Variants in NDST3 observed in about 807,000 individuals in gnomAD.
NDST3 encodes bifunctional heparan sulfate N-deacetylase/N-sulfotransferase 3.
A neutral mutation model predicts 96.1 loss-of-function variants in NDST3; 58 were observed. The observed-to-expected ratio is 0.60, with a 90% CI of 0.49 to 0.75. The LOEUF (loss-of-function observed/expected upper bound fraction) is 0.75. Among genes scored for constraint, NDST3 ranks in the 30% least tolerant of loss-of-function variants. The probability of loss-of-function intolerance (pLI) is 0.00; values close to 1 mark genes in which losing one functional copy is unlikely to be tolerated. For synonymous variants in NDST3, 333 were observed against 359.7 expected, an observed-to-expected ratio of 0.93 and a Z score of 0.84; for missense variants, 788 against 1,034.2, an observed-to-expected ratio of 0.76 and a Z score of 3.27.
intron 10 of NDST3, among the ~76,000 whole-genome samples, chr4:118,239,524 C>T (rs1181230826): frequency 2.6e-5 from 4 of 152,084 alleles, no homozygotes; most frequent in Non-Finnish European, 1.5e-5. Flanking sequence ...GCAACTTCTA[C>T]CTTTTCCACC....
chr4:118,034,532 C>G lies in NDST3; in HGVS notation c.-216C>G, dbSNP rs1313809759. 1 of 152,122 alleles carries G rather than the reference C, an allele frequency of 6.6e-6. No homozygotes were observed. Among genetic ancestry groups the G allele is most frequent in the Non-Finnish European group, 1.5e-5 (1 of 68,034 alleles). The allele number at this position is 152,122 out of a possible 1,614,324, so 9.4% of individuals were successfully genotyped here. ...CGATGGTAACGAGTGGTACTGTTTC[C>G]GTTTCTTTTCCATCTATTGCAACTT... On this transcript the variant is annotated 5_prime_UTR_variant, in exon 1 of 14. Transcript: ENST00000296499.
chr4:118,065,697 C>A (rs185251782), intron 2 of NDST3, among the ~76,000 whole-genome samples: 171 of 151,912 alleles, frequency 1.1e-3, no homozygotes, highest in Non-Finnish European at 2.0e-3. Context: ...TCTGCATCCA[C>A]CTCAGTTTCA....
Position 118,054,234 on chromosome 4 carries a change from T to G in NDST3, c.324T>G (p.Ile108Met). Reference sequence around the variant, plus strand: ...AATCAAGTAGATTCCAGTATCACATTGAAATTGCCCCTGGAAAGGGAGATC... The same window carrying G: ...AATCAAGTAGATTCCAGTATCACATGGAAATTGCCCCTGGAAAGGGAGATC... ...ILESSRFQYH[I>M]EIAPGKGDLP... is the part of the protein sequence containing the mutation. Residue 108 changes from isoleucine to methionine, a missense_variant, in exon 2 of 14, where the codon ATT becomes ATG. Physicochemically the swap from Ile to Met is conservative, Grantham distance 10. Around this residue, in one of 3 missense-constraint regions of NDST3, gnomAD observed 234 missense variants for 256.9 expected, o/e 0.91. Coordinates refer to ENST00000296499, the MANE Select transcript of NDST3 (RefSeq NM_004784.3). 6.2e-7 allele frequency: 1 copy of G among 1,612,872 alleles called. No individual in the cohort carries two copies. The highest frequency in any genetic ancestry group is 8.5e-7 in the Non-Finnish European group (1 of 1,179,372).
chr4:118,132,571 C>A (rs954021140), intron 4 of NDST3, among the ~76,000 whole-genome samples: 10 of 152,134 alleles, frequency 6.6e-5, no homozygotes, highest in Non-Finnish European at 1.2e-4. Context: ...TGTGGCCAAG[C>A]TGGTACATAA....
chr4:118,084,801 G>A (rs1168460130), intron 2 of NDST3, among the ~76,000 whole-genome samples: 1 of 152,020 alleles, frequency 6.6e-6, no homozygotes, highest in Non-Finnish European at 1.5e-5. Flanking sequence ...AACTCTGCAC[G>A]AAAGCCAATT....
At chr4:118,106,784 C>T (rs1333412915) in intron 3 of NDST3, among the ~76,000 whole-genome samples, 1 of 151,960 alleles carries the variant, frequency 6.6e-6, no homozygotes, top group East Asian at 1.9e-4. Flanking sequence ...GAGCAAGAAT[C>T]TGTCTCTTAA....
At chr4:118,150,572 C>T (rs1302365179) in intron 6 of NDST3, among the ~76,000 whole-genome samples, 85 of 150,434 alleles carry the variant, frequency 5.7e-4, no homozygotes, top group African/African-American at 2.0e-3. Context: ...AAAAAGTGGG[C>T]GAAGGACATG....
At chr4:118,033,960 C>T (rs1724012144), upstream of NDST3, 1 of 152,212 alleles carries the variant, frequency 6.6e-6, no homozygotes. Flanking sequence ...GAAACCCGAT[C>T]CGGGCGCCTT....
At chr4:118,037,209 A>G (rs1007021571) in intron 1 of NDST3, among the ~76,000 whole-genome samples, 4 of 152,180 alleles carry the variant, frequency 2.6e-5, no homozygotes, top group Admixed American at 2.6e-4. Context: ...ATGAGAAAAC[A>G]TCAGTGAATA....
chr4:118,228,957 C>T lies in NDST3; in HGVS notation c.1819+1975C>T, dbSNP rs77900709. On this transcript the variant is annotated intron_variant, in intron 8 of 13. Coordinates refer to ENST00000296499, the MANE Select transcript of NDST3 (RefSeq NM_004784.3). ...TTTTAATTAAAGTAGTTTCTCATAT[C>T]AGTTACATGAGAATTAAATAGCTTC... Among the ~76,000 whole-genome samples, 105 of 152,314 alleles carry T rather than the reference C, an allele frequency of 6.9e-4. No individual in the cohort carries two copies. The Middle Eastern group carries it at 0.01, about 15-fold the overall frequency.
intron 1 of NDST3, among the ~76,000 whole-genome samples, chr4:118,049,026 T>C (rs1724925390): frequency 6.6e-6 from 1 of 152,112 alleles, no homozygotes; most frequent in South Asian, 2.1e-4. Flanking sequence ...ACCAAGAACA[T>C]TCACCAACCT....
chr4:118,150,383 A>G (rs1235320916), intron 6 of NDST3, among the ~76,000 whole-genome samples: 2 of 152,158 alleles, frequency 1.3e-5, no homozygotes, highest in African/African-American at 4.8e-5. Flanking sequence ...AAAATTGACA[A>G]ATGGGATCTA....
At chr4:118,072,937 A>G (rs1017759923) in intron 2 of NDST3, among the ~76,000 whole-genome samples, 5 of 152,110 alleles carry the variant, frequency 3.3e-5, no homozygotes, top group Admixed American at 3.3e-4. Flanking sequence ...TTTAACATGA[A>G]GGAAGTTGAA....
intron 6 of NDST3, among the ~76,000 whole-genome samples, chr4:118,161,025 T>C (rs1735079421): frequency 6.6e-6 from 1 of 152,176 alleles, no homozygotes; most frequent in African/African-American, 2.4e-5. Context: ...TCTTTGATGA[T>C]GGTGATGTAC....
intron 12 of NDST3, 134 bp downstream of exon 12, chr4:118,242,283 CGG>C (rs1741056644): frequency 5.9e-6 from 3 of 511,476 alleles, no homozygotes; most frequent in African/African-American, 2.0e-5. Context: ...ACATTAACCA[CGG>C]AAAAAAAAAA....
intron 4 of NDST3, among the ~76,000 whole-genome samples, chr4:118,132,434 G>T (rs1732709541): frequency 6.6e-6 from 1 of 152,090 alleles, no homozygotes; most frequent in Non-Finnish European, 1.5e-5. Flanking sequence ...GGTGAATGCT[G>T]CCTGGCCTGG....
At chr4:118,085,745 T>G (rs1728367064) in intron 2 of NDST3, among the ~76,000 whole-genome samples, 1 of 152,184 alleles carries the variant, frequency 6.6e-6, no homozygotes, top group Non-Finnish European at 1.5e-5. Context: ...CTTTAAAATT[T>G]TTAGAGGAAA....
At chr4:118,226,705 A>G (rs2125995840) in intron 7 of NDST3, among the ~76,000 whole-genome samples, 181 bp from the exon 8 acceptor site, 1 of 152,240 alleles carries the variant, frequency 6.6e-6, no homozygotes, top group Non-Finnish European at 1.5e-5. Flanking sequence ...CAACCTCAAC[A>G]TGGAAGGGAG....
At chr4:118,068,828 A>G (rs189935103) in intron 2 of NDST3, among the ~76,000 whole-genome samples, 1 of 152,238 alleles carries the variant, frequency 6.6e-6, no homozygotes, top group Non-Finnish European at 1.5e-5. Flanking sequence ...TATATAATGG[A>G]AAGAGGTCAC....
Sources: gnomAD v4.1 joint callset for allele counts (sites outside exome capture counted in the v4.1 genomes callset) on GRCh38, gnomAD v4.1.1 for gene constraint, gnomAD v4.1.1 regional missense constraint, MANE v1.5 for transcripts, NCBI Gene and HGNC (gene_info 2026-07-23, HGNC 2026-07-21) for gene names.